CALN1: variants seen among roughly 807,000 people sequenced by gnomAD.
CALN1 encodes calneuron 1.
In CALN1, 17 loss-of-function variants were observed where a neutral mutation model predicts 30.6. The ratio of observed to expected loss-of-function variants is 0.56; its 90% CI spans 0.38 to 0.83. CALN1 has a LOEUF of 0.83. Among genes scored for constraint, CALN1 ranks in the 40% least tolerant of loss-of-function variants. The probability of loss-of-function intolerance (pLI) is 0.00; values close to 1 mark genes in which losing one functional copy is unlikely to be tolerated. For missense variants in CALN1, 291 were observed against 354.9 expected (o/e 0.82, Z 1.45); for synonymous variants, 156 against 131.4 (o/e 1.19, Z -1.28).
intron 4 of CALN1, among the ~76,000 whole-genome samples, chr7:72,028,858 G>A (rs1223054308): frequency 6.6e-6 from 1 of 152,048 alleles, no homozygotes; most frequent in East Asian, 1.9e-4. Context: ...GGGTGTGGTG[G>A]TACAAACCTG....
the CALN1 span, among the ~76,000 whole-genome samples, chr7:72,473,943 G>T: frequency 6.9e-6 from 1 of 144,958 alleles, no homozygotes; most frequent in African/African-American, 2.6e-5. Context: ...AAAAAAAAAA[G>T]AAAGAAAGAA....
intron 3 of CALN1, among the ~76,000 whole-genome samples, chr7:72,181,102 C>T (rs868819293): frequency 3.6e-4 from 30 of 83,826 alleles, no homozygotes; most frequent in Admixed American, 1.0e-3. Context: ...CATAACCCCC[C>T]CCCCCCCCAA....
chr7:71,941,449 T>G (rs1410172186), intron 5 of CALN1, among the ~76,000 whole-genome samples: 1 of 151,908 alleles, frequency 6.6e-6, no homozygotes, highest in Non-Finnish European at 1.5e-5. Flanking sequence ...CCTCTAAAAT[T>G]GATGGTACCT....
chr7:72,256,335 C>T (rs502780), intron 3 of CALN1, among the ~76,000 whole-genome samples: 1,633 of 152,164 alleles, frequency 0.011, 28 homozygotes, highest in African/African-American at 0.037. Flanking sequence ...TGACATGGGC[C>T]TGTGGTCCCA....
intron 5 of CALN1, among the ~76,000 whole-genome samples, chr7:71,909,719 T>C (rs1309922453): frequency 6.6e-6 from 1 of 152,162 alleles, no homozygotes; most frequent in African/African-American, 2.4e-5. Flanking sequence ...TTGGTATCAC[T>C]TGGTTTCCAT....
chr7:72,209,886 G>A (rs1168363971), intron 3 of CALN1, among the ~76,000 whole-genome samples: 2 of 152,180 alleles, frequency 1.3e-5, no homozygotes, highest in Non-Finnish European at 2.9e-5. Flanking sequence ...CCCACTTGGT[G>A]AAAATTGTCT....
intron 3 of CALN1, among the ~76,000 whole-genome samples, chr7:72,140,802 G>A (rs905770124): frequency 6.6e-6 from 1 of 152,244 alleles, no homozygotes; most frequent in African/African-American, 2.4e-5. Context: ...GGACAGGAGA[G>A]AATGTGTCAC....
intron 5 of CALN1, among the ~76,000 whole-genome samples, chr7:71,942,628 C>T (rs938739536): frequency 6.6e-6 from 1 of 152,114 alleles, no homozygotes; most frequent in Non-Finnish European, 1.5e-5. Flanking sequence ...AAAGAGTAAG[C>T]TGAGATGGAT....
intron 1 of CALN1, among the ~76,000 whole-genome samples, chr7:72,406,113 A>AGC (rs1585679430): frequency 6.6e-6 from 1 of 152,172 alleles, no homozygotes; most frequent in East Asian, 1.9e-4. Context: ...AGAAACACAA[A>AGC]GCCAGGGGAC....
At chr7:71,851,196 G>T (rs1790618035) in intron 5 of CALN1, among the ~76,000 whole-genome samples, 1 of 143,022 alleles carries the variant, frequency 7.0e-6, no homozygotes, top group African/African-American at 2.6e-5. Context: ...GACAGAGAGA[G>T]ACCTTGTCTC....
rs1417564432 is a variant in CALN1 at position 71,783,160 on chromosome 7, C to T, written c.*4615G>A. The T allele has an allele frequency of 1.3e-5, 2 of 152,174 alleles. No homozygotes were observed. The highest frequency in any genetic ancestry group is 2.9e-5 in the Non-Finnish European group (2 of 68,054). The allele number at this position is 152,174 out of a possible 1,614,324, so 9.4% of individuals were successfully genotyped here. On this transcript the variant is annotated 3_prime_UTR_variant, in exon 7 of 7. Transcript: ENST00000395275. ...AGGCCTTTAGGTTACGGACTCTTAG[C>T]TCCATGGGGATCACTGAAGAGGCCA...
At position 71,780,920 on chromosome 7, in the gene CALN1, T is replaced by C. The variant is rs1182229458; in HGVS notation, c.*6855A>G. On this transcript the variant is annotated 3_prime_UTR_variant, in exon 7 of 7. Transcript: ENST00000395275. ...CAGACAGAAAGCTCATCTTTGATGC[T>C]CCCTCGAGTCAGCAAGTCCTTAGAG... The C allele has an allele frequency of 6.6e-6, 1 of 152,180 alleles. No homozygotes were observed. Among genetic ancestry groups the C allele is most frequent in the Non-Finnish European group, 1.5e-5 (1 of 68,040 alleles). The allele number at this position is 152,180 out of a possible 1,614,324, so 9.4% of individuals were successfully genotyped here.
the CALN1 span, among the ~76,000 whole-genome samples, chr7:72,485,172 T>A: frequency 6.6e-6 from 1 of 152,188 alleles, no homozygotes; most frequent in African/African-American, 2.4e-5. Context: ...AGAAGATGGG[T>A]TGAGCCCAGG....
chr7:71,867,131 C>T (rs112731410), intron 5 of CALN1, among the ~76,000 whole-genome samples: 2 of 139,546 alleles, frequency 1.4e-5, no homozygotes, highest in Admixed American at 7.1e-5. Flanking sequence ...GGTGACAGAG[C>T]GAGACTCTGT....
At chr7:71,809,415 T>C (rs908605700) in intron 6 of CALN1, among the ~76,000 whole-genome samples, 1 of 138,218 alleles carries the variant, frequency 7.2e-6, no homozygotes, top group South Asian at 2.2e-4. Context: ...ATCCTTCTAG[T>C]GTCTATGTGA....
intron 6 of CALN1, among the ~76,000 whole-genome samples, chr7:71,808,955 T>C (rs1787778655): frequency 6.6e-6 from 1 of 152,188 alleles, no homozygotes; most frequent in Non-Finnish European, 1.5e-5. Context: ...GCCTTGGCTG[T>C]GACCACCCCA....
chr7:72,174,597 A>G (rs1789202201), intron 3 of CALN1, among the ~76,000 whole-genome samples: 1 of 152,244 alleles, frequency 6.6e-6, no homozygotes, highest in Non-Finnish European at 1.5e-5. Flanking sequence ...CAGATACATA[A>G]CAACACAGAT....
chr7:72,436,182 C>A (rs995544401), intron 1 of CALN1, among the ~76,000 whole-genome samples: 4 of 152,212 alleles, frequency 2.6e-5, no homozygotes, highest in Non-Finnish European at 5.9e-5. Context: ...TTGGCTGTGT[C>A]CCCACCCAAG....
At chr7:71,953,495 A>C (rs1584597676) in intron 5 of CALN1, among the ~76,000 whole-genome samples, 1 of 151,958 alleles carries the variant, frequency 6.6e-6, no homozygotes. Flanking sequence ...TCCTTTATAT[A>C]CTGTCAAGGC....
Sources: gnomAD v4.1 joint callset for allele counts (sites outside exome capture counted in the v4.1 genomes callset) on GRCh38, gnomAD v4.1.1 for gene constraint, MANE v1.5 for transcripts, NCBI Gene and HGNC (gene_info 2026-07-23, HGNC 2026-07-21) for gene names.